The following AUTS2 variants were observed in gnomAD, a reference collection of about 807,000 sequenced individuals.
AUTS2 encodes the protein activator of transcription and developmental regulator AUTS2.
AUTS2 carries 17 observed loss-of-function variants against 112.4 expected under a neutral mutation model. The observed-to-expected ratio is 0.15, with a 90% confidence interval of 0.10 to 0.23. The LOEUF (loss-of-function observed/expected upper bound fraction) is 0.23, where lower values mean the gene tolerates loss of function less well. AUTS2 is among the 10% of genes least tolerant of loss of function. The probability of loss-of-function intolerance (pLI) is 1.00; values close to 1 mark genes in which losing one functional copy is unlikely to be tolerated. For synonymous variants in AUTS2, 751 were observed against 702.7 expected (o/e 1.07, Z -1.09); for missense variants, 1,510 against 1,701.6 (o/e 0.89, Z 1.98).
intron 2 of AUTS2, among the ~76,000 whole-genome samples, chr7:70,036,978 G>GA (rs1251797930): frequency 7.9e-5 from 12 of 152,128 alleles, no homozygotes; most frequent in Non-Finnish European, 1.5e-4. Flanking sequence ...AGGTCATTTT[G>GA]AACTCAGTCC....
intron 4 of AUTS2, among the ~76,000 whole-genome samples, chr7:70,431,992 C>G (rs1795691525): frequency 6.6e-6 from 1 of 152,200 alleles, no homozygotes; most frequent in Non-Finnish European, 1.5e-5. Context: ...GCCGGGTGAC[C>G]ATGAATTCTT....
intron 4 of AUTS2, among the ~76,000 whole-genome samples, chr7:70,334,064 TAGAG>T (rs1476896030): frequency 1.3e-5 from 2 of 152,212 alleles, no homozygotes; most frequent in African/African-American, 2.4e-5. Flanking sequence ...TGTCTGCAAA[TAGAG>T]AGGCCATTTC....
intron 5 of AUTS2, among the ~76,000 whole-genome samples, chr7:70,590,815 A>G (rs1291359450): frequency 2.0e-5 from 3 of 152,194 alleles, no homozygotes; most frequent in Admixed American, 6.5e-5. Context: ...AAACTCTCCC[A>G]ATAAGCAAAA....
chr7:69,845,643 C>G (rs1306732078), intron 1 of AUTS2, among the ~76,000 whole-genome samples: 1 of 152,108 alleles, frequency 6.6e-6, no homozygotes, highest in Non-Finnish European at 1.5e-5. Context: ...GAAATCATAG[C>G]AGGGAGGGGA....
At chr7:70,205,590 G>T (rs1562785132) in intron 4 of AUTS2, among the ~76,000 whole-genome samples, 1 of 152,180 alleles carries the variant, frequency 6.6e-6, no homozygotes, top group African/African-American at 2.4e-5. Context: ...TGCTGTAGAG[G>T]TTTGTAGCCT....
intron 4 of AUTS2, among the ~76,000 whole-genome samples, chr7:70,325,561 T>G (rs1215145268): frequency 2.0e-5 from 3 of 152,180 alleles, no homozygotes; most frequent in Non-Finnish European, 2.9e-5. Flanking sequence ...GAACCTTGTC[T>G]TCTTATGGAG....
intron 1 of AUTS2, among the ~76,000 whole-genome samples, chr7:69,857,385 C>T (rs1792777413): frequency 6.6e-6 from 1 of 152,190 alleles, no homozygotes; most frequent in Admixed American, 6.6e-5. Context: ...TCACAAGGAG[C>T]CGTCTTTGCT....
intron 1 of AUTS2, among the ~76,000 whole-genome samples, chr7:69,850,109 A>G (rs1246398257): frequency 2.0e-5 from 3 of 151,990 alleles, no homozygotes; most frequent in Non-Finnish European, 4.4e-5. Context: ...AGCCTGGCCA[A>G]CATGGTGAAA....
At chr7:70,367,749 G>T (rs1792651201) in intron 4 of AUTS2, among the ~76,000 whole-genome samples, 2 of 152,058 alleles carry the variant, frequency 1.3e-5, no homozygotes, top group African/African-American at 4.8e-5. Context: ...CTCAGAAAGT[G>T]CAAATAGCAA....
At chr7:69,873,068 C>G (rs553680426) in intron 1 of AUTS2, among the ~76,000 whole-genome samples, 1 of 151,800 alleles carries the variant, frequency 6.6e-6, no homozygotes, top group Non-Finnish European at 1.5e-5. Flanking sequence ...GTCTCGAACT[C>G]CTGACCTCAG....
At chr7:69,927,954 G>C (rs1346117629) in intron 2 of AUTS2, among the ~76,000 whole-genome samples, 1 of 152,226 alleles carries the variant, frequency 6.6e-6, no homozygotes, top group African/African-American at 2.4e-5. Flanking sequence ...CTGTGGTGGT[G>C]GGGTGTTATC....
At chr7:69,943,705 G>GA (rs374797417) in intron 2 of AUTS2, among the ~76,000 whole-genome samples, 1 of 151,948 alleles carries the variant, frequency 6.6e-6, no homozygotes, top group African/African-American at 2.4e-5. Flanking sequence ...CATTTACTAA[G>GA]AAAAAAATAG....
At chr7:70,740,141 C>T (rs1788019863) in intron 6 of AUTS2, among the ~76,000 whole-genome samples, 1 of 152,186 alleles carries the variant, frequency 6.6e-6, no homozygotes, top group African/African-American at 2.4e-5. Context: ...TTTATTGAGA[C>T]AGCCAACACT....
intron 1 of AUTS2, among the ~76,000 whole-genome samples, chr7:69,811,717 C>T (rs1312273433): frequency 6.6e-6 from 1 of 152,188 alleles, no homozygotes; most frequent in Admixed American, 6.5e-5. Context: ...AACCACCCCT[C>T]CTCACCAGGT....
intron 1 of AUTS2, among the ~76,000 whole-genome samples, chr7:69,715,227 TAAAA>T (rs61555118): frequency 1.5e-5 from 2 of 129,414 alleles, no homozygotes. Context: ...CAGGCATAAG[TAAAA>T]AAAAAAAAAA....
chr7:70,157,920 A>G (rs532140720), intron 4 of AUTS2, among the ~76,000 whole-genome samples: 2 of 152,338 alleles, frequency 1.3e-5, no homozygotes, highest in East Asian at 1.9e-4. Context: ...GGAGCAGACA[A>G]TTACAATGTG....
At position 69,835,073 on chromosome 7, in the gene AUTS2, C is replaced by T. The variant is rs563802026; in HGVS notation, c.310-64213C>T. On this transcript the variant is annotated intron_variant, in intron 1 of 18. Transcript: ENST00000342771. ...GAATCTTGTATATTTTGAGAATTAG[C>T]GAAACATCGTGGGTATTTATCCAAA... Among the ~76,000 whole-genome samples, 222 of 151,838 alleles carry T rather than the reference C, an allele frequency of 1.5e-3. 1 individual carries two copies. Among genetic ancestry groups the T allele is most frequent in the Middle Eastern group, 0.01 (3 of 294 alleles).
chr7:70,557,574 A>G (rs546101340), intron 5 of AUTS2, among the ~76,000 whole-genome samples: 2 of 152,366 alleles, frequency 1.3e-5, no homozygotes, highest in East Asian at 3.9e-4. Flanking sequence ...AGGAGACATC[A>G]GCTGCCACTG....
chr7:69,768,956 C>T (rs760930902), intron 1 of AUTS2, among the ~76,000 whole-genome samples: 22 of 152,176 alleles, frequency 1.4e-4, no homozygotes, highest in Non-Finnish European at 2.4e-4. Flanking sequence ...CCATGAAATG[C>T]ATGGCAGAGT....
Sources: allele counts gnomAD v4.1 joint callset (sites outside exome capture counted in the v4.1 genomes callset), GRCh38; gene constraint gnomAD v4.1.1; transcripts MANE v1.5; gene names NCBI Gene and HGNC (gene_info 2026-07-23, HGNC 2026-07-21).